The following AGBL1 variants were observed in gnomAD, a reference collection of about 807,000 sequenced individuals.
AGBL1 encodes AGBL carboxypeptidase 1, also known as cytosolic carboxypeptidase 4.
In AGBL1, 130 loss-of-function variants were observed where a neutral mutation model predicts 118.9. That is an observed-to-expected ratio of 1.09 (90% CI 0.95 to 1.26). AGBL1 has a LOEUF of 1.26. Among genes scored for constraint, AGBL1 ranks in the 50% most tolerant of loss-of-function variants. The pLI, the probability that AGBL1 is intolerant of heterozygous loss-of-function variation, is 0.00. For synonymous variants in AGBL1, 555 were observed against 478.9 expected (o/e 1.16, Z -2.08); for missense variants, 1,584 against 1,298.1 (o/e 1.22, Z -3.38).
At chr15:86,639,225 A>G (rs1293447778) in intron 21 of AGBL1, among the ~76,000 whole-genome samples, 1 of 152,164 alleles carries the variant, frequency 6.6e-6, no homozygotes, top group Non-Finnish European at 1.5e-5. Flanking sequence ...AGGCACAAAT[A>G]CAGGAGATAG....
At position 86,560,836 on chromosome 15, in the gene AGBL1, C is replaced by G. The variant is rs149441511; in HGVS notation, c.2994+6299C>G. Among the ~76,000 whole-genome samples the G allele has an allele frequency of 9.0e-3, 1,374 of 152,298 alleles. 21 individuals carry two copies. Among genetic ancestry groups the G allele is most frequent in the African/African-American group, 0.031 (1,294 of 41,560 alleles). On this transcript the variant is annotated intron_variant, in intron 21 of 22. Coordinates refer to ENST00000614907, the MANE Select transcript of AGBL1 (RefSeq NM_001386094.1). ...GACTTTTTAATGATCGCCATTCTAA[C>G]TGGTGTGAGATGGTATGTCATTGTG...
intron 18 of AGBL1, among the ~76,000 whole-genome samples, chr15:86,495,240 T>G (rs937963163): frequency 2.6e-5 from 4 of 151,898 alleles, no homozygotes. Context: ...ATAGAAATTT[T>G]TATTAAATTC....
chr15:86,822,760 A>G (rs371488679), intron 22 of AGBL1, among the ~76,000 whole-genome samples: 1 of 152,134 alleles, frequency 6.6e-6, no homozygotes, highest in East Asian at 1.9e-4. Flanking sequence ...GTGGCAAGAC[A>G]AGATAGTGGA....
intron 22 of AGBL1, among the ~76,000 whole-genome samples, chr15:86,817,571 GACAGACAC>G (rs1439367545): frequency 1.5e-5 from 1 of 66,574 alleles, no homozygotes; most frequent in African/African-American, 5.6e-5. Context: ...GAGAGAAAGA[GACAGACAC>G]ACACACACAC....
intron 17 of AGBL1, among the ~76,000 whole-genome samples, chr15:86,376,588 C>A (rs1347899743): frequency 6.6e-6 from 1 of 152,206 alleles, no homozygotes; most frequent in East Asian, 1.9e-4. Flanking sequence ...GGAAGCTCAT[C>A]CAGTCCTTGT....
Position 86,421,422 on chromosome 15 carries a change from C to A in AGBL1, c.2555+23876C>A, listed in dbSNP as rs180958856. On this transcript the variant is annotated intron_variant, in intron 18 of 22. Coordinates refer to ENST00000614907, the MANE Select transcript of AGBL1 (RefSeq NM_001386094.1). ...CAAATGCTGAGATATTTTGTCATCACCAGGCCTACCATGCAAGAGCTTCTG... is the reference window on the plus strand; with the variant it reads ...CAAATGCTGAGATATTTTGTCATCAACAGGCCTACCATGCAAGAGCTTCTG... Among the ~76,000 whole-genome samples the A allele has an allele frequency of 7.1e-3, 1,078 of 152,190 alleles. 14 individuals carry two copies. The highest frequency in any genetic ancestry group is 0.025 in the African/African-American group (1,037 of 41,502).
chr15:86,144,072 A>G (rs906946156), intron 3 of AGBL1, among the ~76,000 whole-genome samples: 2 of 152,196 alleles, frequency 1.3e-5, no homozygotes, highest in Middle Eastern at 3.2e-3. Context: ...CAGAACAAAC[A>G]TGGGCTACAT....
chr15:86,853,019 C>A (rs547497896), intron 22 of AGBL1, among the ~76,000 whole-genome samples: 30 of 152,096 alleles, frequency 2.0e-4, no homozygotes, highest in Admixed American at 1.3e-4. Context: ...TTCAACTCTG[C>A]TGCAATTAGA....
At chr15:86,509,866 A>T (rs555733134) in intron 18 of AGBL1, among the ~76,000 whole-genome samples, 1 of 152,058 alleles carries the variant, frequency 6.6e-6, no homozygotes, top group East Asian at 1.9e-4. Context: ...AACAAACAAA[A>T]CAACATCTCT....
chr15:86,253,400 A>G (rs961928137), intron 7 of AGBL1, among the ~76,000 whole-genome samples: 1 of 143,266 alleles, frequency 7.0e-6, no homozygotes, highest in Admixed American at 6.7e-5. Context: ...ACAGCCATGC[A>G]CCACAATGCC....
At chr15:86,970,240 A>G (rs1385571763) in intron 23 of AGBL1, among the ~76,000 whole-genome samples, 2 of 151,880 alleles carry the variant, frequency 1.3e-5, no homozygotes, top group African/African-American at 2.4e-5. Context: ...GAGGCAGGAA[A>G]AAGAAAGAAA....
At chr15:86,157,409 C>G (rs1027251555) in intron 4 of AGBL1, among the ~76,000 whole-genome samples, 21 of 152,148 alleles carry the variant, frequency 1.4e-4, no homozygotes, top group African/African-American at 5.1e-4. Context: ...GAAGCATTTC[C>G]TGGTTTCCTA....
intron 22 of AGBL1, among the ~76,000 whole-genome samples, chr15:86,870,680 G>T (rs951623096): frequency 4.6e-5 from 7 of 151,952 alleles, no homozygotes; most frequent in Non-Finnish European, 1.5e-5. Context: ...AGAAAAAAAA[G>T]GCATCTGATG....
At chr15:86,956,972 A>G (rs16978118) in intron 23 of AGBL1, among the ~76,000 whole-genome samples, 10,045 of 148,716 alleles carry the variant, frequency 0.068, 429 homozygotes, top group South Asian at 0.2. Flanking sequence ...TGTTGAAAAT[A>G]AAGTGCATGT....
At chr15:86,884,577 C>T (rs942585119) in intron 22 of AGBL1, among the ~76,000 whole-genome samples, 2 of 152,134 alleles carry the variant, frequency 1.3e-5, no homozygotes, top group Non-Finnish European at 2.9e-5. Context: ...TTTGGGAGGC[C>T]GAGGCAGGCA....
chr15:86,839,486 GTC>G (rs1297420946), intron 22 of AGBL1, among the ~76,000 whole-genome samples: 1 of 152,160 alleles, frequency 6.6e-6, no homozygotes, highest in African/African-American at 2.4e-5. Context: ...TTCTCTTGCT[GTC>G]TCTATTTGCT....
intron 16 of AGBL1, among the ~76,000 whole-genome samples, chr15:86,292,442 T>A (rs1324408258): frequency 6.6e-6 from 1 of 152,162 alleles, no homozygotes; most frequent in Non-Finnish European, 1.5e-5. Flanking sequence ...ACCTTGAATT[T>A]TGCCCAGTGG....
intron 22 of AGBL1, among the ~76,000 whole-genome samples, chr15:86,809,880 TG>T (rs1156645819): frequency 6.6e-6 from 1 of 152,186 alleles, no homozygotes; most frequent in Non-Finnish European, 1.5e-5. Context: ...GCTTTCTTGA[TG>T]TGAGTTTTAT....
At chr15:87,023,074 A>G (rs78088965) in intron 24 of AGBL1, among the ~76,000 whole-genome samples, 1 of 152,194 alleles carries the variant, frequency 6.6e-6, no homozygotes, top group Admixed American at 6.6e-5. Context: ...TGAAGTCAAA[A>G]AAACCAAGGT....
Sources: allele counts gnomAD v4.1 joint callset (sites outside exome capture counted in the v4.1 genomes callset), GRCh38; gene constraint gnomAD v4.1.1; transcripts MANE v1.5; gene names NCBI Gene and HGNC (gene_info 2026-07-23, HGNC 2026-07-21).